GMEB1: variants seen among roughly 807,000 people sequenced by gnomAD.
GMEB1 encodes the protein glucocorticoid modulatory element binding protein 1, also known as glucocorticoid modulatory element-binding protein 1.
In GMEB1, 6 loss-of-function variants were observed where a neutral mutation model predicts 52.4. The ratio of observed to expected loss-of-function variants is 0.11; its 90% CI spans 0.06 to 0.23. GMEB1 has a LOEUF of 0.23. Ranked by LOEUF, GMEB1 falls within the 10% of genes least tolerant of loss-of-function variation. The probability of loss-of-function intolerance (pLI) is 1.00; values close to 1 mark genes in which losing one functional copy is unlikely to be tolerated. For missense variants in GMEB1, 486 were observed against 685.6 expected, an observed-to-expected ratio of 0.71 and a Z score of 3.25; for synonymous variants, 255 against 244.9, an observed-to-expected ratio of 1.04 and a Z score of -0.38.
chr1:28,679,135 C>T (rs761476100), intron 1 of GMEB1, among the ~76,000 whole-genome samples: 8 of 151,464 alleles, frequency 5.3e-5, no homozygotes, highest in Non-Finnish European at 1.2e-4. Context: ...CCGCCCGTCT[C>T]GACCTCCCAA....
At chr1:28,700,450 C>G (rs1670447215) in intron 6 of GMEB1, among the ~76,000 whole-genome samples, 1 of 147,788 alleles carries the variant, frequency 6.8e-6, no homozygotes, top group Non-Finnish European at 1.5e-5. Flanking sequence ...GGAGGTGGAG[C>G]TTGCAGTTAG....
intron 5 of GMEB1, among the ~76,000 whole-genome samples, chr1:28,695,638 AT>A (rs1273074617): frequency 6.6e-6 from 1 of 151,684 alleles, no homozygotes; most frequent in African/African-American, 2.4e-5. Context: ...ACAAAACATT[AT>A]TTTAAAAAAA....
intron 6 of GMEB1, among the ~76,000 whole-genome samples, chr1:28,701,285 T>TTTTTTTTA (rs1670496952): frequency 5.4e-5 from 8 of 148,682 alleles, no homozygotes; most frequent in South Asian, 2.2e-4. Flanking sequence ...TTTTTTTTTT[T>TTTTTTTTA]GAGATGATTT....
Position 28,710,656 on chromosome 1 carries a change from A to G in GMEB1, c.991+14A>G. ...ATACTCTGACAGGTATGTATAAGTT[A>G]TCGCTCTTCTTCGGTGATATCATGC... On this transcript the variant is annotated intron_variant, in intron 9 of 9. Coordinates refer to ENST00000373816, the MANE Select transcript of GMEB1 (RefSeq NM_001319674.2). The G allele has an allele frequency of 6.6e-7, 1 of 1,524,894 alleles. No individual in the cohort carries two copies. The highest frequency in any genetic ancestry group is 8.8e-7 in the Non-Finnish European group (1 of 1,135,812). The allele number at this position is 1,524,894 out of a possible 1,614,324, so 94.5% of individuals were successfully genotyped here.
chr1:28,670,238 C>T (rs944660314), intron 1 of GMEB1, among the ~76,000 whole-genome samples: 5 of 152,074 alleles, frequency 3.3e-5, no homozygotes, highest in Non-Finnish European at 7.4e-5. Flanking sequence ...CTGCAACTTC[C>T]GCCTCCTGGG....
rs34231884 is a variant in GMEB1 at position 28,700,058 on chromosome 1, C to CAA, written c.599-2358_599-2357dup. Among the ~76,000 whole-genome samples, 192 of 60,214 alleles carry CAA rather than the reference C, an allele frequency of 3.2e-3. 1 individual carries two copies. The highest frequency in any genetic ancestry group is 9.1e-3 in the Middle Eastern group (1 of 110). The allele number at this position is 60,214 out of a possible 152,430, so 39.5% of individuals were successfully genotyped here. On this transcript the variant is annotated intron_variant, in intron 6 of 9. Transcript: ENST00000373816. ...GTGACAGGAGCGAGAGACCCTGTCT[C>CAA]AAAAAAAAAAAAAAAAAAAAAAAGA...
chr1:28,704,107 A>C (rs1303182498), intron 7 of GMEB1, 85 bp from the exon 8 acceptor site: 1 of 1,199,864 alleles, frequency 8.3e-7, no homozygotes, highest in East Asian at 2.6e-5. Context: ...AGTTAAAATA[A>C]TTTTGAATTT....
intron 6 of GMEB1, among the ~76,000 whole-genome samples, chr1:28,700,229 A>G (rs188503953): frequency 6.6e-6 from 1 of 151,620 alleles, no homozygotes; most frequent in Non-Finnish European, 1.5e-5. Context: ...TTAGCTGGGC[A>G]TGGCTGGGCG....
chr1:28,685,867 G>T (rs1424198342), intron 2 of GMEB1, among the ~76,000 whole-genome samples: 1 of 152,166 alleles, frequency 6.6e-6, no homozygotes, highest in Non-Finnish European at 1.5e-5. Flanking sequence ...GCTGAGGCAG[G>T]ATAATCACTT....
At chr1:28,708,021 C>A (rs1336938500) in intron 8 of GMEB1, among the ~76,000 whole-genome samples, 1 of 152,038 alleles carries the variant, frequency 6.6e-6, no homozygotes, top group Non-Finnish European at 1.5e-5. Flanking sequence ...GCCTCAGTCT[C>A]CCAAGTAGCT....
intron 1 of GMEB1, among the ~76,000 whole-genome samples, chr1:28,678,934 C>CG (rs573956989): frequency 6.6e-6 from 1 of 151,888 alleles, no homozygotes; most frequent in Non-Finnish European, 1.5e-5. Flanking sequence ...TTTTTTGAGA[C>CG]GGAGTCTCGC....
At position 28,717,857 on chromosome 1, in the gene GMEB1, C is replaced by CT. The variant is rs1303009548; in HGVS notation, c.*3087dup. 6.6e-6 allele frequency: 1 copy of CT among 152,200 alleles called. No individual in the cohort carries two copies. The highest frequency in any genetic ancestry group is 1.5e-5 in the Non-Finnish European group (1 of 68,042). 9.4% of individuals were successfully genotyped at this position (152,200 alleles called of 1,614,324 possible). ...CCAACGTGCTAGCTCAGGTTCCCTT[C>CT]TTTCCTCCATCAGAGCTATTGGTAG... On this transcript the variant is annotated 3_prime_UTR_variant, in exon 10 of 10. Coordinates refer to ENST00000373816, the MANE Select transcript of GMEB1 (RefSeq NM_001319674.2).
At chr1:28,675,611 C>A (rs1399068968) in intron 1 of GMEB1, among the ~76,000 whole-genome samples, 1 of 147,866 alleles carries the variant, frequency 6.8e-6, no homozygotes, top group East Asian at 2.0e-4. Flanking sequence ...ACCCAGGAGG[C>A]AGAAGTTGCA....
rs1209593997 is a variant in GMEB1 at position 28,715,697 on chromosome 1, A to G, written c.*924A>G. 1 of 152,042 alleles carries G rather than the reference A, an allele frequency of 6.6e-6. No individual in the cohort carries two copies. The highest frequency in any genetic ancestry group is 2.4e-5 in the African/African-American group (1 of 41,366). The allele number at this position is 152,042 out of a possible 1,614,324, so 9.4% of individuals were successfully genotyped here. A position where few individuals can be genotyped will look rare whatever the true frequency, so the allele number is the denominator to read the frequency against. On this transcript the variant is annotated 3_prime_UTR_variant, in exon 10 of 10. Transcript: ENST00000373816. ...CAACTGACGCCTCTGGAGATCTCCA[A>G]AAGTTAGTACCGTGAGTGCCATTTT...
intron 2 of GMEB1, among the ~76,000 whole-genome samples, chr1:28,688,260 G>A (rs529960894): frequency 6.6e-6 from 1 of 152,304 alleles, no homozygotes; most frequent in Admixed American, 6.5e-5. Context: ...TCCAGCCTGG[G>A]CAATAAGAGC....
chr1:28,679,955 G>A (rs1165232461), intron 1 of GMEB1, among the ~76,000 whole-genome samples: 2 of 152,068 alleles, frequency 1.3e-5, no homozygotes, highest in Non-Finnish European at 2.9e-5. Flanking sequence ...ATAGGCAAGC[G>A]CCACCACGCC....
At chr1:28,682,338 G>A (rs2124476920) in intron 1 of GMEB1, among the ~76,000 whole-genome samples, 1 of 152,014 alleles carries the variant, frequency 6.6e-6, no homozygotes, top group South Asian at 2.1e-4. Context: ...TTATTAAGAA[G>A]TCCCAGGCGT....
In GMEB1 at chr1:28,675,068, A is replaced by C. The variant is rs189606854; in HGVS notation, c.-31+6229A>C. 3.9e-3 allele frequency among the ~76,000 whole-genome samples: 470 copies of C among 121,490 alleles called. 5 individuals are homozygous for C. Among genetic ancestry groups the C allele is most frequent in the African/African-American group, 0.014 (450 of 31,500 alleles). 79.7% of individuals were successfully genotyped at this position (121,490 alleles called of 152,430 possible). A position where few individuals can be genotyped will look rare whatever the true frequency, so the allele number is the denominator to read the frequency against. ...AGTCTTGCTCTGTCGTCCAGGCTGG[A>C]GTGCAGTGGCTCCATCTTGGCTCAC... On this transcript the variant is annotated intron_variant, in intron 1 of 9. Transcript: ENST00000373816.
intron 3 of GMEB1, among the ~76,000 whole-genome samples, chr1:28,690,530 A>G (rs1476358424): frequency 6.6e-6 from 1 of 152,160 alleles, no homozygotes; most frequent in Non-Finnish European, 1.5e-5. Context: ...TCTAGAAGGC[A>G]GTCAGTGGAA....
Sources: allele counts gnomAD v4.1 joint callset (sites outside exome capture counted in the v4.1 genomes callset), GRCh38; gene constraint gnomAD v4.1.1; transcripts MANE v1.5; gene names NCBI Gene and HGNC (gene_info 2026-07-23, HGNC 2026-07-21).